PXDNL: variants seen among roughly 807,000 people sequenced by gnomAD.
PXDNL encodes the protein probable oxidoreductase PXDNL.
A neutral mutation model predicts 150.8 loss-of-function variants in PXDNL; 145 were observed. The observed-to-expected ratio is 0.96, with a 90% CI of 0.84 to 1.10. The LOEUF is 1.10. Ranked by LOEUF, PXDNL falls within the 50% of genes least tolerant of loss-of-function variation. The pLI is 0.00. For missense variants in PXDNL, 2,087 were observed against 1,873.9 expected (o/e 1.11, Z -2.10); for synonymous variants, 757 against 725.7 (o/e 1.04, Z -0.69).
chr8:51,731,806 C>G lies in PXDNL; in HGVS notation c.165-77046G>C, dbSNP rs182711773. Among the ~76,000 whole-genome samples the G allele has an allele frequency of 1.4e-3, 206 of 152,366 alleles. 2 individuals are homozygous for G. Among genetic ancestry groups the G allele is most frequent in the African/African-American group, 4.7e-3 (196 of 41,594 alleles). On this transcript the variant is annotated intron_variant, in intron 1 of 22. Transcript: ENST00000356297. ...GGCTTGCACCCTCTGAAGCAATGAC[C>G]TGAGCTCTACTTTGGCCCCTTTTAG...
chr8:51,576,500 T>C (rs1032963988), intron 3 of PXDNL, among the ~76,000 whole-genome samples: 8 of 151,420 alleles, frequency 5.3e-5, no homozygotes, highest in Non-Finnish European at 1.0e-4. Context: ...ACATCAAAAA[T>C]TAATGGGATA....
chr8:51,543,042 G>T (rs1812256809), intron 4 of PXDNL, among the ~76,000 whole-genome samples: 1 of 152,130 alleles, frequency 6.6e-6, no homozygotes, highest in Non-Finnish European at 1.5e-5. Context: ...TTCAGAATCT[G>T]CTCTTACCAA....
intron 3 of PXDNL, among the ~76,000 whole-genome samples, chr8:51,563,727 A>G (rs760165627): frequency 6.6e-6 from 1 of 151,996 alleles, no homozygotes; most frequent in Non-Finnish European, 1.5e-5. Context: ...TGATAAATTC[A>G]CAGTTGATAC....
intron 1 of PXDNL, among the ~76,000 whole-genome samples, chr8:51,792,824 C>A (rs556749130): frequency 6.6e-6 from 1 of 152,204 alleles, no homozygotes; most frequent in African/African-American, 2.4e-5. Flanking sequence ...AGGGACAGCA[C>A]TCTGATCTTC....
chr8:51,787,570 A>G (rs1057247737), intron 1 of PXDNL, among the ~76,000 whole-genome samples: 1 of 152,266 alleles, frequency 6.6e-6, no homozygotes, highest in Admixed American at 6.5e-5. Flanking sequence ...AGCCTGTGAT[A>G]TGACTGAATT....
intron 4 of PXDNL, among the ~76,000 whole-genome samples, chr8:51,553,771 T>TATATATATATATATATATATACACAC (rs1236843720): frequency 6.3e-5 from 4 of 63,810 alleles, no homozygotes; most frequent in African/African-American, 3.7e-4. Context: ...TATATATATA[T>TATATATATATATATATATATACACAC]ACACACACTG....
intron 1 of PXDNL, among the ~76,000 whole-genome samples, chr8:51,768,926 T>C (rs567804777): frequency 9.1e-4 from 139 of 152,242 alleles, no homozygotes; most frequent in African/African-American, 3.1e-3. Context: ...AAACCCCGTC[T>C]CTACTAAAAA....
chr8:51,512,892 T>A (rs957458834), intron 4 of PXDNL, among the ~76,000 whole-genome samples: 2 of 151,714 alleles, frequency 1.3e-5, no homozygotes, highest in South Asian at 4.2e-4. Context: ...TGCCATCTTC[T>A]CAATTTGCTG....
chr8:51,361,483 G>T (rs1456566192), intron 19 of PXDNL, among the ~76,000 whole-genome samples: 1 of 152,156 alleles, frequency 6.6e-6, no homozygotes, highest in East Asian at 1.9e-4. Context: ...GTAAAAAGGA[G>T]ATCCTTAGTT....
intron 19 of PXDNL, among the ~76,000 whole-genome samples, chr8:51,348,053 G>T (rs1806215333): frequency 6.6e-6 from 1 of 152,078 alleles, no homozygotes; most frequent in Non-Finnish European, 1.5e-5. Flanking sequence ...AAGGTATTAG[G>T]CTAGGCACTG....
chr8:51,555,071 G>A (rs977723933), intron 4 of PXDNL, among the ~76,000 whole-genome samples: 1 of 152,114 alleles, frequency 6.6e-6, no homozygotes, highest in Non-Finnish European at 1.5e-5. Context: ...TGCTATAACA[G>A]AGTACCACAG....
At chr8:51,570,566 T>C (rs1812911977) in intron 3 of PXDNL, among the ~76,000 whole-genome samples, 1 of 151,968 alleles carries the variant, frequency 6.6e-6, no homozygotes, top group South Asian at 2.1e-4. Flanking sequence ...TTTTCGTCTA[T>C]GAATTCTTCC....
At position 51,541,805 on chromosome 8, in the gene PXDNL, C is replaced by T. The variant is rs918852344; in HGVS notation, c.380+15035G>A. On this transcript the variant is annotated intron_variant, in intron 4 of 22. Coordinates refer to ENST00000356297, the MANE Select transcript of PXDNL (RefSeq NM_144651.5). ...CCAGAGAAAACTCACAGAGATCACC[C>T]CGTGTGTCCCTTCCCTCATGGACCA... 3.3e-5 allele frequency among the ~76,000 whole-genome samples: 5 copies of T among 152,278 alleles called. No homozygotes were observed. The South Asian group carries it at 1.0e-3, about 32-fold the overall frequency.
intron 2 of PXDNL, among the ~76,000 whole-genome samples, chr8:51,616,863 C>T (rs1272996359): frequency 1.3e-5 from 2 of 152,114 alleles, no homozygotes; most frequent in African/African-American, 4.8e-5. Context: ...TTTAAATCAT[C>T]TCTAGATTGC....
chr8:51,488,258 A>G (rs551326805), intron 5 of PXDNL, among the ~76,000 whole-genome samples: 57 of 152,314 alleles, frequency 3.7e-4, no homozygotes, highest in African/African-American at 1.3e-3. Flanking sequence ...ACATGAGAAA[A>G]TGTTGACAGA....
chr8:51,701,332 A>G (rs2130882367), intron 1 of PXDNL, among the ~76,000 whole-genome samples: 1 of 152,288 alleles, frequency 6.6e-6, no homozygotes, highest in South Asian at 2.1e-4. Flanking sequence ...CCCAACCTGC[A>G]TTATATACTT....
intron 1 of PXDNL, among the ~76,000 whole-genome samples, chr8:51,807,790 T>G (rs2037693321): frequency 6.6e-6 from 1 of 152,308 alleles, no homozygotes; most frequent in Admixed American, 6.5e-5. Context: ...AAACAAAATT[T>G]AGGTCGAGTT....
At chr8:51,346,221 G>A (rs1806153116) in intron 19 of PXDNL, among the ~76,000 whole-genome samples, 1 of 152,186 alleles carries the variant, frequency 6.6e-6, no homozygotes, top group Non-Finnish European at 1.5e-5. Context: ...GCAGAGTGAT[G>A]CTGAATCTTA....
At chr8:51,744,059 AAGGAAGGAAGGAAGGAAG>A (rs1260860663) in intron 1 of PXDNL, among the ~76,000 whole-genome samples, 723 of 70,982 alleles carry the variant, frequency 0.01, 27 homozygotes, top group Non-Finnish European at 0.016. Flanking sequence ...GGAAGGAAGG[AAGGAAGGAAGGAAGGAAG>A]GAAGGAAGGA....
Sources: allele counts gnomAD v4.1 joint callset (sites outside exome capture counted in the v4.1 genomes callset), GRCh38; gene constraint gnomAD v4.1.1; transcripts MANE v1.5; gene names NCBI Gene and HGNC (gene_info 2026-07-23, HGNC 2026-07-21).